The following STX12 variants were observed in gnomAD, a reference collection of about 807,000 sequenced individuals.
The protein encoded by STX12 is syntaxin 12, also known as syntaxin-12.
STX12 carries 17 observed loss-of-function variants against 42.2 expected under a neutral mutation model. That is an observed-to-expected ratio of 0.40 (90% CI 0.28 to 0.60). The LOEUF (loss-of-function observed/expected upper bound fraction) is 0.60. Ranked by LOEUF, STX12 falls within the 20% of genes least tolerant of loss-of-function variation. The pLI, the probability that STX12 is intolerant of heterozygous loss-of-function variation, is 0.39. For synonymous variants in STX12, 108 were observed against 116.7 expected, an observed-to-expected ratio of 0.93 and a Z score of 0.48; for missense variants, 297 against 330.9, an observed-to-expected ratio of 0.90 and a Z score of 0.79.
chr1:27,816,205 C>A (rs1354913265), intron 6 of STX12, among the ~76,000 whole-genome samples: 1 of 151,820 alleles, frequency 6.6e-6, no homozygotes, highest in African/African-American at 2.4e-5. Flanking sequence ...TCCCAGGTAC[C>A]TGGGAGGCTG....
At chr1:27,775,030 T>G (rs781768930) in intron 1 of STX12, among the ~76,000 whole-genome samples, 2 of 152,218 alleles carry the variant, frequency 1.3e-5, no homozygotes, top group Non-Finnish European at 2.9e-5. Context: ...ATATGACCAC[T>G]GGTTAGAAAG....
chr1:27,797,486 C>T (rs142389450), intron 3 of STX12, among the ~76,000 whole-genome samples: 237 of 152,254 alleles, frequency 1.6e-3, no homozygotes, highest in African/African-American at 5.2e-3. Context: ...CAGCCTCCTT[C>T]CCGGACTTCA....
At chr1:27,792,347 G>T (rs112443355) in intron 2 of STX12, among the ~76,000 whole-genome samples, 1,524 of 103,078 alleles carry the variant, frequency 0.015, 289 homozygotes, top group African/African-American at 0.11. Flanking sequence ...TATATATGTA[G>T]ATACATATAT....
At chr1:27,789,429 A>G in intron 1 of STX12, 133 bp from the exon 2 acceptor site, 2 of 538,738 alleles carry the variant, frequency 3.7e-6, no homozygotes, top group Non-Finnish European at 6.3e-6. Flanking sequence ...GGTTTTGATC[A>G]TAGCATGGTC....
intron 1 of STX12, among the ~76,000 whole-genome samples, chr1:27,785,298 C>T (rs2088692129): frequency 6.6e-6 from 1 of 152,110 alleles, no homozygotes; most frequent in Admixed American, 6.6e-5. Context: ...AGAATGCAGT[C>T]CCTGCCTTCT....
rs1284333616 is a variant in STX12 at position 27,812,286 on chromosome 1, T to G, written c.576+18T>G. ...AGCTGGAGGTGAGAGCCACGTCATG[T>G]TTTTTGTTTGACTCAGTGTGTCTGC... On this transcript the variant is annotated intron_variant, in intron 6 of 8. Transcript: ENST00000373943. 6.5e-7 allele frequency: 1 copy of G among 1,544,672 alleles called. No individual in the cohort carries two copies. The highest frequency in any genetic ancestry group is 1.2e-5 in the South Asian group (1 of 83,844).
intron 2 of STX12, among the ~76,000 whole-genome samples, chr1:27,789,959 G>A (rs780343149): frequency 3.9e-5 from 6 of 152,166 alleles, no homozygotes; most frequent in Middle Eastern, 3.4e-3. Context: ...CCTTGTTGGC[G>A]TAGGACTCCT....
chr1:27,808,772 G>T (rs1008371671), intron 4 of STX12, among the ~76,000 whole-genome samples: 2 of 152,092 alleles, frequency 1.3e-5, no homozygotes, highest in African/African-American at 2.4e-5. Flanking sequence ...TGAAAGATTC[G>T]ATTGCTAGTC....
rs2088905539 is a variant in STX12, at chr1:27,811,901, T to C, written c.471-262T>C. On this transcript the variant is annotated intron_variant, in intron 5 of 8. Coordinates refer to ENST00000373943, the MANE Select transcript of STX12 (RefSeq NM_177424.3). Reference sequence around the variant, plus strand: ...TGAGATTACAGAGTATACCCCTAAATGGAAACAGCCAGGAGTCCCATCCGT... The same window carrying C: ...TGAGATTACAGAGTATACCCCTAAACGGAAACAGCCAGGAGTCCCATCCGT... 4 of 540,772 alleles carry C rather than the reference T, an allele frequency of 7.4e-6. No homozygotes were observed. In the Admixed American group the frequency reaches 9.1e-5, roughly 12 times the overall value. 33.5% of individuals were successfully genotyped at this position (540,772 alleles called of 1,614,324 possible).
In STX12 at chr1:27,793,517, A is replaced by G. The variant is rs376632935; in HGVS notation, c.189-16A>G. 6.8e-6 allele frequency: 11 copies of G among 1,609,398 alleles called. No homozygotes were observed. The highest frequency in any genetic ancestry group is 4.4e-5 in the South Asian group (4 of 90,980). Reference sequence around the variant, plus strand: ...AAGAAGTGACAACATCCTGAAACATATCTTTTCTCTCTTAGGCAACAGTTA... The same window carrying G: ...AAGAAGTGACAACATCCTGAAACATGTCTTTTCTCTCTTAGGCAACAGTTA... On this transcript the variant is annotated splice_polypyrimidine_tract_variant and intron_variant, in intron 2 of 8. Transcript: ENST00000373943.
rs1225015364 is a variant in STX12 at position 27,788,738 on chromosome 1, G to GT, written c.119-823dup. 2.6e-5 allele frequency among the ~76,000 whole-genome samples: 4 copies of GT among 152,180 alleles called. No individual in the cohort carries two copies. The East Asian group carries it at 5.8e-4, about 22-fold the overall frequency. ...GGAAGTATATCTACTAAGGCCAGGC[G>GT]TGGTGGCTCACGACTGTAATCCCAG... On this transcript the variant is annotated intron_variant, in intron 1 of 8. Coordinates refer to ENST00000373943, the MANE Select transcript of STX12 (RefSeq NM_177424.3).
chr1:27,808,333 T>TTATTTATG (rs2088879288), intron 4 of STX12, among the ~76,000 whole-genome samples: 1 of 150,354 alleles, frequency 6.7e-6, no homozygotes, highest in African/African-American at 2.4e-5. Context: ...ATTTATTTAT[T>TTATTTATG]TATTTATTTA....
rs2088607683 is a variant in STX12 at position 27,773,300 on chromosome 1, T to A, written c.-8T>A. ...CGGTGTAGAGCGAGCAGGTCTCAGC[T>A]CCTCGTCATGTCATACGGTCCCTTA... On this transcript the variant is annotated 5_prime_UTR_variant, in exon 1 of 9. Coordinates refer to ENST00000373943, the MANE Select transcript of STX12 (RefSeq NM_177424.3). The A allele has an allele frequency of 6.4e-7, 1 of 1,566,256 alleles. No individual in the cohort carries two copies. The highest frequency in any genetic ancestry group is 1.4e-5 in the African/African-American group (1 of 71,450).
chr1:27,799,365 C>T (rs2088810509), intron 3 of STX12, among the ~76,000 whole-genome samples: 1 of 152,050 alleles, frequency 6.6e-6, no homozygotes, highest in African/African-American at 2.4e-5. Context: ...TGACCCAGGT[C>T]TCATCACAGA....
intron 1 of STX12, among the ~76,000 whole-genome samples, chr1:27,779,789 C>T (rs575147291): frequency 1.3e-4 from 20 of 151,894 alleles, no homozygotes; most frequent in African/African-American, 4.8e-4. Flanking sequence ...TTTGGTTCCT[C>T]CTTTTTTTTT....
At chr1:27,818,922 T>C (rs897091244) in intron 7 of STX12, among the ~76,000 whole-genome samples, 1 of 147,962 alleles carries the variant, frequency 6.8e-6, no homozygotes, top group Non-Finnish European at 1.5e-5. Context: ...CCACCACGCC[T>C]GGCCAGTAAC....
At chr1:27,789,122 G>T (rs967575903) in intron 1 of STX12, among the ~76,000 whole-genome samples, 1 of 152,174 alleles carries the variant, frequency 6.6e-6, no homozygotes, top group Non-Finnish European at 1.5e-5. Context: ...GCACTTAGAG[G>T]TGCTCAATTG....
intron 4 of STX12, among the ~76,000 whole-genome samples, chr1:27,805,594 C>T (rs140059547): frequency 7.6e-4 from 116 of 152,244 alleles, no homozygotes; most frequent in African/African-American, 2.7e-3. Flanking sequence ...CTTACTTTTA[C>T]CAGTGAATGT....
At chr1:27,819,977 T>A (rs1345242480) in intron 8 of STX12, 7 of 351,820 alleles carry the variant, frequency 2.0e-5, no homozygotes, top group African/African-American at 4.2e-5. Flanking sequence ...TACACTAATA[T>A]GATACCTAAA....
Sources: gnomAD v4.1 joint callset for allele counts (sites outside exome capture counted in the v4.1 genomes callset) on GRCh38, gnomAD v4.1.1 for gene constraint, MANE v1.5 for transcripts, NCBI Gene and HGNC (gene_info 2026-07-23, HGNC 2026-07-21) for gene names.